Variants in SOX6 observed in about 807,000 individuals in gnomAD.
SOX6 encodes the protein transcription factor SOX-6.
SOX6 carries 11 observed loss-of-function variants against 97.8 expected under a neutral mutation model. That is an observed-to-expected ratio of 0.11 (90% CI 0.07 to 0.19). The LOEUF (loss-of-function observed/expected upper bound fraction) is 0.19, where lower values mean the gene tolerates loss of function less well. Among genes scored for constraint, SOX6 ranks in the 10% least tolerant of loss-of-function variants. The probability of loss-of-function intolerance (pLI) is 1.00; values close to 1 mark genes in which losing one functional copy is unlikely to be tolerated. For missense variants in SOX6, 810 were observed against 1,039.5 expected, an observed-to-expected ratio of 0.78 and a Z score of 3.04; for synonymous variants, 360 against 371.4, an observed-to-expected ratio of 0.97 and a Z score of 0.35.
chr11:16,640,779 CATCT>C, intron 3 of SOX6, among the ~76,000 whole-genome samples: 1 of 152,016 alleles, frequency 6.6e-6, no homozygotes, highest in East Asian at 1.9e-4. Context: ...TTTTTTATTA[CATCT>C]ATTTAATTCT....
At chr11:16,061,106 T>C (rs1285004301) in intron 9 of SOX6, among the ~76,000 whole-genome samples, 3 of 151,586 alleles carry the variant, frequency 2.0e-5, no homozygotes, top group Non-Finnish European at 4.4e-5. Context: ...GGTTAAAAAA[T>C]AAAAGGCAAA....
At chr11:16,444,003 C>T (rs1859562676) in intron 1 of SOX6, among the ~76,000 whole-genome samples, 1 of 107,534 alleles carries the variant, frequency 9.3e-6, no homozygotes, top group Admixed American at 1.3e-4. Context: ...CAGAGCGAGA[C>T]TCTGTCTCAA....
At chr11:16,484,147 G>C in intron 4 of SOX6, 1 of 777,948 alleles carries the variant, frequency 1.3e-6, no homozygotes, top group Non-Finnish European at 2.4e-6. Context: ...TATCCTTTAA[G>C]CCAGGTTTAT....
intron 1 of SOX6, among the ~76,000 whole-genome samples, chr11:16,464,660 C>G (rs1447259417): frequency 3.3e-5 from 5 of 152,120 alleles, no homozygotes; most frequent in Non-Finnish European, 7.4e-5. Context: ...AAAGATGCTT[C>G]TTGGTCATAG....
chr11:16,533,397 C>T (rs1283944623), intron 4 of SOX6, among the ~76,000 whole-genome samples: 1 of 151,542 alleles, frequency 6.6e-6, no homozygotes, highest in African/African-American at 2.4e-5. Flanking sequence ...GTATTAAGAT[C>T]AAAAAAATAC....
intron 4 of SOX6, among the ~76,000 whole-genome samples, chr11:16,198,876 T>G (rs1440102778): frequency 2.0e-5 from 3 of 152,212 alleles, no homozygotes; most frequent in Non-Finnish European, 4.4e-5. Context: ...TCTACTCTAG[T>G]GCTACTCATA....
chr11:16,609,318 A>G (rs1407428800), intron 4 of SOX6, among the ~76,000 whole-genome samples: 1 of 152,242 alleles, frequency 6.6e-6, no homozygotes, highest in Non-Finnish European at 1.5e-5. Context: ...AACTACATCA[A>G]GATAAAAGCT....
chr11:16,129,971 G>A (rs1228290604), intron 6 of SOX6, among the ~76,000 whole-genome samples: 1 of 151,732 alleles, frequency 6.6e-6, no homozygotes, highest in African/African-American at 2.4e-5. Flanking sequence ...AATAAGCAAA[G>A]GGAAATAAAT....
At chr11:16,584,047 A>T (rs1439003537) in intron 4 of SOX6, among the ~76,000 whole-genome samples, 2 of 152,230 alleles carry the variant, frequency 1.3e-5, no homozygotes, top group East Asian at 3.9e-4. Context: ...TAGCCAAGTT[A>T]TCCAAGCATT....
At chr11:16,583,625 A>ATATATG in intron 4 of SOX6, among the ~76,000 whole-genome samples, 1 of 138,926 alleles carries the variant, frequency 7.2e-6, no homozygotes, top group African/African-American at 2.6e-5. Context: ...ATATATATAT[A>ATATATG]TATATATATA....
At chr11:16,661,212 T>C (rs1847763202) in intron 3 of SOX6, among the ~76,000 whole-genome samples, 1 of 152,232 alleles carries the variant, frequency 6.6e-6, no homozygotes, top group Admixed American at 6.5e-5. Flanking sequence ...TCTTTATTCC[T>C]GATAGTTTTT....
chr11:16,654,763 T>C (rs900608279), intron 3 of SOX6, among the ~76,000 whole-genome samples: 3 of 152,246 alleles, frequency 2.0e-5, no homozygotes, highest in Non-Finnish European at 4.4e-5. Flanking sequence ...CTAAGAAGCC[T>C]TCTGCTAGTC....
chr11:16,465,847 TAC>T (rs1223240489), intron 1 of SOX6: 1 of 152,196 alleles, frequency 6.6e-6, no homozygotes, highest in Non-Finnish European at 1.5e-5. Context: ...CTAACTCCAG[TAC>T]AGTTTGTATC....
At chr11:16,136,690 C>G (rs1849975027) in intron 6 of SOX6, among the ~76,000 whole-genome samples, 1 of 152,192 alleles carries the variant, frequency 6.6e-6, no homozygotes, top group Admixed American at 6.5e-5. Context: ...CCTGCCTCAG[C>G]CTCCTACAGT....
chr11:16,507,025 T>C (rs769246996), intron 4 of SOX6, among the ~76,000 whole-genome samples: 1 of 152,028 alleles, frequency 6.6e-6, no homozygotes, highest in Non-Finnish European at 1.5e-5. Flanking sequence ...GATCATACCA[T>C]TGCACTCCAG....
intron 3 of SOX6, among the ~76,000 whole-genome samples, chr11:16,239,573 A>C: frequency 6.6e-6 from 1 of 152,210 alleles, no homozygotes; most frequent in Admixed American, 6.6e-5. Context: ...CAAAAGTCAA[A>C]CCTTTAACCT....
chr11:16,637,308 C>T (rs987259385), intron 3 of SOX6, among the ~76,000 whole-genome samples: 11 of 152,176 alleles, frequency 7.2e-5, no homozygotes, highest in African/African-American at 2.7e-4. Flanking sequence ...GCACCCTCCA[C>T]CTGCTGGGTT....
chr11:16,640,414 G>A (rs1043112608), intron 3 of SOX6, among the ~76,000 whole-genome samples: 3 of 152,148 alleles, frequency 2.0e-5, no homozygotes, highest in Admixed American at 1.3e-4. Flanking sequence ...TCAGGATGAC[G>A]CTGGCCTTAT....
At chr11:16,709,178 C>G (rs1848158402) in intron 3 of SOX6, among the ~76,000 whole-genome samples, 1 of 152,136 alleles carries the variant, frequency 6.6e-6, no homozygotes, top group African/African-American at 2.4e-5. Context: ...TGTCTTATTG[C>G]TGCCCTCATG....
Sources: gnomAD v4.1 joint callset for allele counts (sites outside exome capture counted in the v4.1 genomes callset) on GRCh38, gnomAD v4.1.1 for gene constraint, MANE v1.5 for transcripts, NCBI Gene and HGNC (gene_info 2026-07-23, HGNC 2026-07-21) for gene names.